Variants in SRGAP3 observed in about 807,000 individuals in gnomAD.
The protein encoded by SRGAP3 is SLIT-ROBO Rho GTPase-activating protein 3.
SRGAP3 carries 39 observed loss-of-function variants against 121.1 expected under a neutral mutation model. The observed-to-expected ratio is 0.32, with a 90% CI of 0.25 to 0.42. The LOEUF (loss-of-function observed/expected upper bound fraction) is 0.42, where lower values mean the gene tolerates loss of function less well. Among genes scored for constraint, SRGAP3 ranks in the 10% least tolerant of loss-of-function variants. The pLI, the probability that SRGAP3 is intolerant of heterozygous loss-of-function variation, is 1.00. For synonymous variants in SRGAP3, 601 were observed against 570.0 expected, an observed-to-expected ratio of 1.05 and a Z score of -0.77; for missense variants, 1,213 against 1,470.6, an observed-to-expected ratio of 0.82 and a Z score of 2.86.
intron 1 of SRGAP3, among the ~76,000 whole-genome samples, chr3:9,205,902 C>G (rs1466766703): frequency 1.3e-5 from 2 of 152,170 alleles, no homozygotes; most frequent in Non-Finnish European, 2.9e-5. Context: ...TATGATTCTA[C>G]TCATACGGGG....
At chr3:9,171,031 G>A (rs566631097) in intron 1 of SRGAP3, among the ~76,000 whole-genome samples, 5 of 152,328 alleles carry the variant, frequency 3.3e-5, no homozygotes, top group African/African-American at 7.2e-5. Context: ...GTCAGCTTCC[G>A]CCAGCTGTGC....
intron 18 of SRGAP3, among the ~76,000 whole-genome samples, chr3:9,002,079 T>C (rs942703142): frequency 1.3e-5 from 2 of 152,198 alleles, no homozygotes; most frequent in African/African-American, 4.8e-5. Context: ...CAGGCATGTA[T>C]AGAACACACC....
At chr3:9,073,750 G>T (rs1471574947) in intron 4 of SRGAP3, among the ~76,000 whole-genome samples, 1 of 152,248 alleles carries the variant, frequency 6.6e-6, no homozygotes, top group East Asian at 1.9e-4. Flanking sequence ...TTCTTGAGAT[G>T]AAACAATCTC....
At chr3:8,986,777 T>C (rs768671507) in intron 21 of SRGAP3, among the ~76,000 whole-genome samples, 1 of 152,238 alleles carries the variant, frequency 6.6e-6, no homozygotes, top group Non-Finnish European at 1.5e-5. Context: ...AAAATCTTCT[T>C]CTGCCTACAT....
chr3:9,213,120 C>A lies in SRGAP3; in HGVS notation c.67+35765G>T, dbSNP rs1345764844. 2.6e-5 allele frequency among the ~76,000 whole-genome samples: 4 copies of A among 152,196 alleles called. No homozygotes were observed. In the South Asian group the frequency reaches 6.2e-4, roughly 24 times the overall value. On this transcript the variant is annotated intron_variant, in intron 1 of 21. Transcript: ENST00000383836. ...ACAACCTCCATAGCCACACGGGTAG[C>A]CCTCTCTGGGATCACGGCTGCTCCT... is the stretch of plus-strand genomic sequence containing the variant.
chr3:9,219,438 G>A (rs564475602), intron 1 of SRGAP3: 1 of 152,268 alleles, frequency 6.6e-6, no homozygotes, highest in South Asian at 2.1e-4. Flanking sequence ...GGCAGGAACA[G>A]GCACACAGGT....
intron 21 of SRGAP3, among the ~76,000 whole-genome samples, chr3:8,986,707 C>T (rs1941724851): frequency 6.6e-6 from 1 of 151,624 alleles, no homozygotes; most frequent in Admixed American, 6.5e-5. Context: ...GACTGCTACT[C>T]TCTTCTCTGT....
At chr3:9,121,322 T>C (rs1948996146) in intron 2 of SRGAP3, among the ~76,000 whole-genome samples, 1 of 152,014 alleles carries the variant, frequency 6.6e-6, no homozygotes, top group African/African-American at 2.4e-5. Flanking sequence ...AAACCAAGAA[T>C]CTTTACGACG....
At chr3:9,253,251 C>G (rs2125252088), upstream of SRGAP3, among the ~76,000 whole-genome samples, 1 of 152,340 alleles carries the variant, frequency 6.6e-6, no homozygotes, top group South Asian at 2.1e-4. Flanking sequence ...GTGCACGATT[C>G]TATCCCGGAG....
At chr3:9,248,779 T>C in intron 1 of SRGAP3, 106 bp downstream of exon 1, 1 of 1,178,726 alleles carries the variant, frequency 8.5e-7, no homozygotes, top group African/African-American at 1.5e-5. Flanking sequence ...ATGCATAACA[T>C]TTCATAATGG....
intron 1 of SRGAP3, among the ~76,000 whole-genome samples, chr3:9,130,532 GCTC>G (rs1207900478): frequency 6.6e-6 from 1 of 152,164 alleles, no homozygotes; most frequent in Non-Finnish European, 1.5e-5. Context: ...GCTAGCCTGT[GCTC>G]CTAACAGCTG....
chr3:9,211,336 A>G (rs142068590), intron 1 of SRGAP3, among the ~76,000 whole-genome samples: 18 of 152,342 alleles, frequency 1.2e-4, no homozygotes, highest in Non-Finnish European at 1.9e-4. Flanking sequence ...CAGCCTGGAA[A>G]AAAAACATCT....
chr3:9,282,779 G>C (rs533968484), intron 3 of SRGAP3, among the ~76,000 whole-genome samples: 1 of 152,188 alleles, frequency 6.6e-6, no homozygotes, highest in Non-Finnish European at 1.5e-5. Flanking sequence ...ACTGTGCCCA[G>C]CCATGATATA....
intron 1 of SRGAP3, among the ~76,000 whole-genome samples, chr3:9,231,821 C>T (rs1286689389): frequency 6.6e-6 from 1 of 152,176 alleles, no homozygotes; most frequent in Non-Finnish European, 1.5e-5. Flanking sequence ...CTCATTTGAT[C>T]CTCACAGCAA....
intron 21 of SRGAP3, among the ~76,000 whole-genome samples, chr3:8,988,789 T>A (rs1941871614): frequency 1.3e-5 from 2 of 152,178 alleles, no homozygotes; most frequent in Admixed American, 6.5e-5. Context: ...GATCAGGCAT[T>A]AGATTCTCCT....
At chr3:9,250,166 G>A (rs1414267107), upstream of SRGAP3, among the ~76,000 whole-genome samples, 1 of 152,202 alleles carries the variant, frequency 6.6e-6, no homozygotes, top group Admixed American at 6.5e-5. Flanking sequence ...TCATAAGTCA[G>A]ACTGAGCCTC....
At chr3:9,361,921 GCCA>G (rs1291487858) in intron 1 of SRGAP3, among the ~76,000 whole-genome samples, 1 of 152,182 alleles carries the variant, frequency 6.6e-6, no homozygotes, top group East Asian at 1.9e-4. Flanking sequence ...TCATGCTAAG[GCCA>G]CCATTTTTTA....
intron 2 of SRGAP3, among the ~76,000 whole-genome samples, chr3:9,119,973 T>C (rs1424878507): frequency 2.0e-5 from 3 of 152,228 alleles, no homozygotes; most frequent in Non-Finnish European, 2.9e-5. Context: ...CTTTGATCCA[T>C]TAAATCACAA....
At position 9,316,554 on chromosome 3, in the gene SRGAP3, G is replaced by A. The variant is rs562450803; in HGVS notation, n.442+9456C>T. The stretch of plus-strand genomic sequence containing the variant: ...CATGCCTTGCAGTCCCAGCTACTCG[G>A]GAGGCTGAGGCAGGAGAATGGCTTG... On this transcript the variant is annotated intron_variant and non_coding_transcript_variant, in intron 3 of 3. Transcript: ENST00000490889. Among the ~76,000 whole-genome samples the A allele has an allele frequency of 7.2e-5, 11 of 152,144 alleles. No homozygotes were observed. In the South Asian group the frequency reaches 2.3e-3, roughly 32 times the overall value.
Sources: gnomAD v4.1 joint callset for allele counts (sites outside exome capture counted in the v4.1 genomes callset) on GRCh38, gnomAD v4.1.1 for gene constraint, MANE v1.5 for transcripts, NCBI Gene and HGNC (gene_info 2026-07-23, HGNC 2026-07-21) for gene names.